Variants in HS6ST2 observed in about 807,000 individuals in gnomAD.
HS6ST2 encodes the protein heparan-sulfate 6-O-sulfotransferase 2.
In HS6ST2, 17 loss-of-function variants were observed where a neutral mutation model predicts 33.0. The ratio of observed to expected loss-of-function variants is 0.52; its 90% confidence interval spans 0.35 to 0.77. The LOEUF (loss-of-function observed/expected upper bound fraction) is 0.77, where lower values mean the gene tolerates loss of function less well. HS6ST2 is among the 30% of genes least tolerant of loss of function. The probability of loss-of-function intolerance (pLI) is 0.01; values close to 1 mark genes in which losing one functional copy is unlikely to be tolerated. For missense variants in HS6ST2, 519 were observed against 551.7 expected, an observed-to-expected ratio of 0.94 and a Z score of 0.59; for synonymous variants, 248 against 237.1, an observed-to-expected ratio of 1.05 and a Z score of -0.42.
intron 4 of HS6ST2, among the ~76,000 whole-genome samples, chrX:132,667,020 G>C (rs1160298275): frequency 9.0e-6 from 1 of 111,288 alleles, no homozygotes; most frequent in Non-Finnish European, 1.9e-5. Context: ...CTCTGAACTA[G>C]AACACAGTGC....
chrX:132,660,225 C>A (rs765039562), intron 4 of HS6ST2, among the ~76,000 whole-genome samples: 1 of 111,603 alleles, frequency 9.0e-6, no homozygotes, highest in East Asian at 2.8e-4. Context: ...CATCTTGTAC[C>A]TACTATGCAC....
At chrX:132,629,653 G>T (rs1483424181) in intron 4 of HS6ST2, among the ~76,000 whole-genome samples, 1 of 112,357 alleles carries the variant, frequency 8.9e-6, no homozygotes, top group Non-Finnish European at 1.9e-5. Flanking sequence ...CTCATTAAAA[G>T]AGTGTATGAT....
intron 2 of HS6ST2, among the ~76,000 whole-genome samples, chrX:132,818,821 T>C (rs2148373701): frequency 8.9e-6 from 1 of 111,986 alleles, no homozygotes; most frequent in East Asian, 2.8e-4. Flanking sequence ...CACCATATCC[T>C]TTGTCATCCA....
At position 132,811,447 on chromosome X, in the gene HS6ST2, T is replaced by C. The variant is rs746017206; in HGVS notation, c.948-102953A>G. Among the ~76,000 whole-genome samples the C allele has an allele frequency of 9.2e-5, 10 of 108,374 alleles. No individual in the cohort carries two copies. In the South Asian group the frequency reaches 4.1e-3, roughly 44 times the overall value. 94.1% of individuals were successfully genotyped at this position (108,374 alleles called of 115,157 possible). A position where few individuals can be genotyped will look rare whatever the true frequency, so the allele number is the denominator to read the frequency against. On this transcript the variant is annotated intron_variant, in intron 2 of 4. Coordinates refer to ENST00000370833, the MANE Select transcript of HS6ST2 (RefSeq NM_001394073.1). Reference sequence around the variant, plus strand: ...ATCACCACCATCTCCAGAACTTTTTTCATCTTTCCAAATTGAAAGTCCATA... The same window carrying C: ...ATCACCACCATCTCCAGAACTTTTTCCATCTTTCCAAATTGAAAGTCCATA...
chrX:132,899,547 G>T (rs2047456708), intron 2 of HS6ST2, among the ~76,000 whole-genome samples: 1 of 110,535 alleles, frequency 9.0e-6, no homozygotes, highest in Non-Finnish European at 1.9e-5. Flanking sequence ...CGGAAGAAAA[G>T]ATGAATGAAC....
chrX:132,817,331 T>C (rs1429785851), intron 2 of HS6ST2, among the ~76,000 whole-genome samples: 3 of 110,300 alleles, frequency 2.7e-5, no homozygotes, highest in Non-Finnish European at 5.7e-5. Context: ...AAACATCACA[T>C]AGATTCATGG....
At chrX:132,765,844 T>A (rs935366426) in intron 2 of HS6ST2, among the ~76,000 whole-genome samples, 22 of 112,316 alleles carry the variant, frequency 2.0e-4, no homozygotes, top group Non-Finnish European at 3.8e-4. Flanking sequence ...TCTCATGTAA[T>A]CATCATAGCA....
chrX:132,781,387 T>C (rs1005312431), intron 2 of HS6ST2, among the ~76,000 whole-genome samples: 1 of 111,543 alleles, frequency 9.0e-6, no homozygotes, highest in Non-Finnish European at 1.9e-5. Flanking sequence ...AGCTGGGTCT[T>C]CAATGATGAG....
chrX:132,958,028 G>A (rs1352007476), intron 1 of HS6ST2, 147 bp downstream of exon 1: 7 of 525,473 alleles, frequency 1.3e-5, no homozygotes, highest in Non-Finnish European at 1.7e-5. Flanking sequence ...AATGCGCGCC[G>A]CACCCCTCCG....
At chrX:132,901,870 G>C in intron 2 of HS6ST2, among the ~76,000 whole-genome samples, 1 of 111,195 alleles carries the variant, frequency 9.0e-6, no homozygotes, top group Non-Finnish European at 1.9e-5. Flanking sequence ...AGTCGGGGGA[G>C]GGAAGGCCAG....
intron 2 of HS6ST2, among the ~76,000 whole-genome samples, chrX:132,943,062 T>C (rs1389136925): frequency 8.9e-6 from 1 of 112,177 alleles, no homozygotes; most frequent in Non-Finnish European, 1.9e-5. Context: ...AACTTCGGCA[T>C]CTAAATCTTT....
chrX:132,942,381 T>C (rs1602910033), intron 2 of HS6ST2, among the ~76,000 whole-genome samples: 1 of 111,808 alleles, frequency 8.9e-6, no homozygotes. Flanking sequence ...ACATTAATAA[T>C]GCCTGCCAGG....
intron 4 of HS6ST2, among the ~76,000 whole-genome samples, chrX:132,657,796 G>A (rs956872773): frequency 4.8e-5 from 5 of 104,897 alleles, no homozygotes; most frequent in Middle Eastern, 5.0e-3. Flanking sequence ...GGCAAAAACT[G>A]CAATTACTTT....
At chrX:132,871,473 A>T (rs1274246562) in intron 2 of HS6ST2, among the ~76,000 whole-genome samples, 2 of 112,029 alleles carry the variant, frequency 1.8e-5, no homozygotes, top group Admixed American at 1.9e-4. Context: ...ATAAAGACAC[A>T]TGCACACGTA....
At chrX:132,765,506 G>C (rs999741788) in intron 2 of HS6ST2, among the ~76,000 whole-genome samples, 2 of 111,122 alleles carry the variant, frequency 1.8e-5, no homozygotes, top group East Asian at 5.7e-4. Flanking sequence ...TCCCAGACTG[G>C]AGTGCAGTGG....
chrX:132,684,224 C>CATATATATATATAT (rs764280543), intron 3 of HS6ST2, among the ~76,000 whole-genome samples: 1 of 94,529 alleles, frequency 1.1e-5, no homozygotes, highest in Non-Finnish European at 2.1e-5. Flanking sequence ...CATATATATA[C>CATATATATATATAT]ATATATATAT....
At chrX:132,722,884 CAAAAA>C (rs144182974) in intron 2 of HS6ST2, among the ~76,000 whole-genome samples, 1 of 82,298 alleles carries the variant, frequency 1.2e-5, no homozygotes, top group Non-Finnish European at 2.4e-5. Flanking sequence ...AATAAAAAAA[CAAAAA>C]AAAAAAAACA....
intron 2 of HS6ST2, among the ~76,000 whole-genome samples, chrX:132,767,699 G>A (rs1175357142): frequency 1.8e-5 from 2 of 111,242 alleles, no homozygotes; most frequent in South Asian, 3.9e-4. Flanking sequence ...CTGCCAGGCC[G>A]CCACTCCTCT....
intron 2 of HS6ST2, among the ~76,000 whole-genome samples, chrX:132,928,783 G>C (rs1052167848): frequency 2.7e-5 from 3 of 111,259 alleles, no homozygotes; most frequent in East Asian, 5.7e-4. Context: ...TGCTAGCTCT[G>C]TAACCCCAGG....
Sources: allele counts gnomAD v4.1 joint callset (sites outside exome capture counted in the v4.1 genomes callset), GRCh38; gene constraint gnomAD v4.1.1; transcripts MANE v1.5; gene names NCBI Gene and HGNC (gene_info 2026-07-23, HGNC 2026-07-21).